The following DPP6 variants were observed in gnomAD, a reference collection of about 807,000 sequenced individuals.
DPP6 encodes A-type potassium channel modulatory protein DPP6.
Under a neutral mutation model 122.6 loss-of-function variants are expected in DPP6, and 69 were observed. The observed-to-expected ratio is 0.56, with a 90% CI of 0.46 to 0.69. The LOEUF is 0.69. DPP6 is among the 30% of genes least tolerant of loss of function. DPP6 has a pLI of 0.00. For synonymous variants in DPP6, 418 were observed against 433.1 expected, an observed-to-expected ratio of 0.97 and a Z score of 0.43; for missense variants, 928 against 1,116.9, an observed-to-expected ratio of 0.83 and a Z score of 2.41.
Position 154,676,585 on chromosome 7 carries a change from C to T in DPP6, c.762+7144C>T, listed in dbSNP as rs903530156. Among the ~76,000 whole-genome samples, 4 of 152,364 alleles carry T rather than the reference C, an allele frequency of 2.6e-5. 1 individual carries two copies. The highest frequency in any genetic ancestry group is 6.8e-3 in the Middle Eastern group (2 of 294). On this transcript the variant is annotated intron_variant, in intron 7 of 25. Transcript: ENST00000377770. ...CAGACACTGTACCCACACCCTGCAC[C>T]GGCCCCACCTTAGTGATTGCTACAC... is the stretch of plus-strand genomic sequence containing the variant.
intron 10 of DPP6, among the ~76,000 whole-genome samples, chr7:154,787,584 A>T (rs927684915): frequency 1.3e-5 from 2 of 152,202 alleles, no homozygotes; most frequent in African/African-American, 4.8e-5. Flanking sequence ...TTCTTCTTAT[A>T]TGCGAACTTC....
At chr7:154,184,097 G>A (rs1380366358) in intron 1 of DPP6, among the ~76,000 whole-genome samples, 1 of 152,056 alleles carries the variant, frequency 6.6e-6, no homozygotes, top group Non-Finnish European at 1.5e-5. Context: ...CTGCCCCTGG[G>A]CATGGCAGAC....
chr7:154,224,843 A>G (rs1800501931), intron 1 of DPP6, among the ~76,000 whole-genome samples: 1 of 136,804 alleles, frequency 7.3e-6, no homozygotes, highest in Non-Finnish European at 1.5e-5. Context: ...TAACATTTTA[A>G]AAACATTCTG....
chr7:154,583,672 C>T (rs942494805), intron 5 of DPP6, among the ~76,000 whole-genome samples: 2 of 152,132 alleles, frequency 1.3e-5, no homozygotes, highest in Non-Finnish European at 2.9e-5. Flanking sequence ...AGAAGCCTCG[C>T]GTGGAGGAGA....
chr7:154,703,804 G>T lies in DPP6; in HGVS notation c.763-23963G>T, dbSNP rs1033146305. Among the ~76,000 whole-genome samples the T allele has an allele frequency of 5.9e-5, 9 of 152,106 alleles. No individual in the cohort carries two copies. In the East Asian group the frequency reaches 1.7e-3, roughly 30 times the overall value. On this transcript the variant is annotated intron_variant, in intron 7 of 25. Transcript: ENST00000377770. ...TACAAAAAATTAGCAGGGCGTGGTG[G>T]TGGGAGCCTGTAGTCCCACCTACTC...
chr7:154,769,290 G>A (rs1796091589), intron 8 of DPP6, 127 bp from the exon 9 acceptor site: 33 of 1,222,374 alleles, frequency 2.7e-5, no homozygotes, highest in Non-Finnish European at 3.2e-5. Flanking sequence ...GTTCCTCAAA[G>A]GTTGTAGCAG....
At chr7:154,300,532 A>G (rs1805835381) in intron 1 of DPP6, among the ~76,000 whole-genome samples, 1 of 152,230 alleles carries the variant, frequency 6.6e-6, no homozygotes, top group Non-Finnish European at 1.5e-5. Context: ...AAGCTGGAGT[A>G]GACAGACATG....
chr7:154,662,177 G>C (rs1181860425), intron 6 of DPP6, among the ~76,000 whole-genome samples: 9 of 151,100 alleles, frequency 6.0e-5, no homozygotes, highest in African/African-American at 1.9e-4. Flanking sequence ...TGTTCATATA[G>C]TCATGGTGAA....
chr7:153,855,238 T>C, the DPP6 span, among the ~76,000 whole-genome samples: 2 of 143,616 alleles, frequency 1.4e-5, no homozygotes, highest in African/African-American at 5.1e-5. Context: ...TAAAGTATAA[T>C]AAAAAAAAAG....
chr7:154,673,018 C>T (rs772849293), intron 7 of DPP6, among the ~76,000 whole-genome samples: 5 of 152,104 alleles, frequency 3.3e-5, no homozygotes, highest in Non-Finnish European at 5.9e-5. Flanking sequence ...TGGTTGTTCT[C>T]ATGGGGAAAG....
chr7:154,358,767 G>A (rs1811481156), intron 1 of DPP6, among the ~76,000 whole-genome samples: 1 of 152,160 alleles, frequency 6.6e-6, no homozygotes, highest in African/African-American at 2.4e-5. Flanking sequence ...ATGCAATGAC[G>A]TGATCTCAGC....
At chr7:153,841,978 C>T in the DPP6 span, among the ~76,000 whole-genome samples, 5 of 152,082 alleles carry the variant, frequency 3.3e-5, no homozygotes, top group Non-Finnish European at 7.4e-5. Flanking sequence ...TAATGTGTGC[C>T]CAGGTTTCTC....
At chr7:154,577,249 C>T (rs1280184412) in intron 5 of DPP6, among the ~76,000 whole-genome samples, 3 of 152,096 alleles carry the variant, frequency 2.0e-5, no homozygotes, top group South Asian at 2.1e-4. Context: ...CCCCCCTGTC[C>T]ATCTTGCAGC....
chr7:154,529,955 G>T (rs1466089160), intron 3 of DPP6, among the ~76,000 whole-genome samples: 1 of 151,926 alleles, frequency 6.6e-6, no homozygotes, highest in Non-Finnish European at 1.5e-5. Context: ...GTGAAACCCT[G>T]TCTCTACTAC....
intron 3 of DPP6, 117 bp from the exon 4 acceptor site, chr7:154,540,415 A>G (rs1828621624): frequency 2.9e-6 from 2 of 682,848 alleles, no homozygotes; most frequent in Non-Finnish European, 5.2e-6. Flanking sequence ...CCGTTTGATG[A>G]GTGGGAGCCT....
At chr7:153,870,234 C>T in the DPP6 span, among the ~76,000 whole-genome samples, 5 of 152,218 alleles carry the variant, frequency 3.3e-5, no homozygotes, top group African/African-American at 9.7e-5. Flanking sequence ...TGGATAATAT[C>T]CTGCAGAGCA....
In DPP6 at chr7:154,247,932, A is replaced by T. The variant is rs187430788; in HGVS notation, c.243+194869A>T. Among the ~76,000 whole-genome samples the T allele has an allele frequency of 4.2e-3, 637 of 152,316 alleles. 5 individuals carry two copies. Among genetic ancestry groups the T allele is most frequent in the Non-Finnish European group, 7.1e-3 (481 of 68,026 alleles). ...ATTGTGTTAGTCGGTTTGGGCTGCTATATAACAAAGTGCCATAGACTGGGT... is the reference window on the plus strand; with the variant it reads ...ATTGTGTTAGTCGGTTTGGGCTGCTTTATAACAAAGTGCCATAGACTGGGT... On this transcript the variant is annotated intron_variant, in intron 1 of 25. Coordinates refer to ENST00000377770, the MANE Select transcript of DPP6 (RefSeq NM_130797.4).
chr7:153,906,616 A>C (rs556269382), intron 1 of DPP6, among the ~76,000 whole-genome samples: 15 of 152,040 alleles, frequency 9.9e-5, no homozygotes, highest in Non-Finnish European at 1.9e-4. Context: ...ATGTCTAGTT[A>C]ATTTTTGTAT....
intron 1 of DPP6, among the ~76,000 whole-genome samples, chr7:154,198,942 T>G (rs4074816): frequency 1.3e-5 from 2 of 151,768 alleles, no homozygotes; most frequent in African/African-American, 2.4e-5. Flanking sequence ...CTATAGCCCA[T>G]GAACACAATC....
Sources: allele counts gnomAD v4.1 joint callset (sites outside exome capture counted in the v4.1 genomes callset), GRCh38; gene constraint gnomAD v4.1.1; transcripts MANE v1.5; gene names NCBI Gene and HGNC (gene_info 2026-07-23, HGNC 2026-07-21).